RAD50: variants seen among roughly 807,000 people sequenced by gnomAD.
The protein encoded by RAD50 is RAD50 double strand break repair protein, also known as DNA repair protein RAD50.
A neutral mutation model predicts 168.8 loss-of-function variants in RAD50; 132 were observed. The ratio of observed to expected loss-of-function variants is 0.78; its 90% confidence interval spans 0.68 to 0.90. The LOEUF (loss-of-function observed/expected upper bound fraction) is 0.90, where lower values mean the gene tolerates loss of function less well. RAD50 is among the 40% of genes least tolerant of loss of function. The pLI is 0.00. For missense variants in RAD50, 1,347 were observed against 1,534.4 expected, an observed-to-expected ratio of 0.88 and a Z score of 2.04; for synonymous variants, 525 against 497.4, an observed-to-expected ratio of 1.06 and a Z score of -0.74.
In RAD50 at chr5:132,557,008, C is replaced by G. The variant is rs137917617; in HGVS notation, c.-317C>G. ...TCCGCAGGGCGGCCGAGGCAGGAAGCTGTGAGTGCGCGGTTGCGGGGTCGC... is the reference window on the plus strand; with the variant it reads ...TCCGCAGGGCGGCCGAGGCAGGAAGGTGTGAGTGCGCGGTTGCGGGGTCGC... On this transcript the variant is annotated 5_prime_UTR_variant, in exon 1 of 25. Transcript: ENST00000378823. 1.3e-5 allele frequency: 10 copies of G among 749,342 alleles called. No homozygotes were observed. The East Asian group carries it at 3.6e-4, about 27-fold the overall frequency. 46.4% of individuals were successfully genotyped at this position (749,342 alleles called of 1,614,324 possible). A position where few individuals can be genotyped will look rare whatever the true frequency, so the allele number is the denominator to read the frequency against.
In RAD50 at chr5:132,603,473, T is replaced by C; in HGVS notation, c.2381T>C (p.Ile794Thr). The change falls in exon 14 of 25, where the codon ATT becomes ACT. Residue 794 changes from isoleucine to threonine, a missense_variant. Around this residue, in one of 3 missense-constraint regions of RAD50, gnomAD observed 635 missense variants for 739.2 expected, o/e 0.86. Transcript: ENST00000378823. ...AAAGTATGCCTGACAGATGTTACAA[T>C]TATGGAGAGGTTCCAGGTAAGTTTA... ...SAKVCLTDVTIMERFQMELKD... is the reference protein window; with the variant it reads ...SAKVCLTDVTTMERFQMELKD... The C allele has an allele frequency of 6.2e-7, 1 of 1,613,824 alleles. No individual in the cohort carries two copies. Among genetic ancestry groups the C allele is most frequent in the Non-Finnish European group, 8.5e-7 (1 of 1,179,804 alleles).
At chr5:132,610,407 A>T (rs1159734604) in intron 19 of RAD50, among the ~76,000 whole-genome samples, 4 of 152,162 alleles carry the variant, frequency 2.6e-5, no homozygotes, top group Non-Finnish European at 4.4e-5. Flanking sequence ...TATTTTCTCT[A>T]TTAAAGAAAT....
At chr5:132,576,725 T>C (rs1750406351) in intron 3 of RAD50, among the ~76,000 whole-genome samples, 1 of 152,214 alleles carries the variant, frequency 6.6e-6, no homozygotes, top group Admixed American at 6.5e-5. Context: ...TTGTTGATAC[T>C]GTCTCCATTT....
chr5:132,619,828 C>CTACTCCTCTCTCTG (rs1561651594), intron 21 of RAD50, among the ~76,000 whole-genome samples: 27 of 124,258 alleles, frequency 2.2e-4, no homozygotes, highest in African/African-American at 9.5e-4. Context: ...CTCTCTCTCT[C>CTACTCCTCTCTCTG]TCTCTCTCTA....
Position 132,642,515 on chromosome 5 carries a change from A to G in RAD50, c.*151A>G, listed in dbSNP as rs1308084663. ...ATTTTGGATGTTGAGAGGTTCTAAA[A>G]TCATGAAACTTGTTTCACTGAAAAT... On this transcript the variant is annotated 3_prime_UTR_variant, in exon 25 of 25. Coordinates refer to ENST00000378823, the MANE Select transcript of RAD50 (RefSeq NM_005732.4). 2 of 755,692 alleles carry G rather than the reference A, an allele frequency of 2.6e-6. No homozygotes were observed. The highest frequency in any genetic ancestry group is 1.9e-5 in the South Asian group (1 of 53,086). 46.8% of individuals were successfully genotyped at this position (755,692 alleles called of 1,614,324 possible).
chr5:132,588,841 G>A lies in RAD50; in HGVS notation c.1206G>A (p.Glu402=), dbSNP rs2149841163. 3 of 1,613,966 alleles carry A rather than the reference G, an allele frequency of 1.9e-6. No individual in the cohort carries two copies. Among genetic ancestry groups the A allele is most frequent in the Non-Finnish European group, 2.5e-6 (3 of 1,179,922 alleles). Residue 402 remains glutamate, a synonymous_variant, in exon 8 of 25, where the codon GAG becomes GAA. Coordinates refer to ENST00000378823, the MANE Select transcript of RAD50 (RefSeq NM_005732.4). ...AAAATTTTCACAAACTTGTGAGAGA[G>A]AGACAAGAAGGGGAAGCAAAAACTG... is the stretch of plus-strand genomic sequence containing the variant. ...QIKNFHKLVR[E]RQEGEAKTAN... is the part of the protein sequence containing the mutation.
At chr5:132,574,449 G>A (rs993534223) in intron 2 of RAD50, among the ~76,000 whole-genome samples, 5 of 152,222 alleles carry the variant, frequency 3.3e-5, no homozygotes, top group Admixed American at 6.5e-5. Context: ...CCTGGCCCAC[G>A]AAACTATTTT....
intron 19 of RAD50, 106 bp downstream of exon 19, chr5:132,609,502 C>T: frequency 6.6e-7 from 1 of 1,518,436 alleles, no homozygotes. Context: ...AGGAAAGAGG[C>T]CAAGCGTGGT....
chr5:132,568,522 ACATAAC>A (rs1750248039), intron 2 of RAD50, among the ~76,000 whole-genome samples: 1 of 152,228 alleles, frequency 6.6e-6, no homozygotes, highest in Admixed American at 6.5e-5. Context: ...AGCAGCATAA[ACATAAC>A]TATGTTGTAC....
chr5:132,578,205 C>G (rs559983786), intron 3 of RAD50, among the ~76,000 whole-genome samples: 2 of 152,338 alleles, frequency 1.3e-5, no homozygotes, highest in African/African-American at 4.8e-5. Context: ...GACCTCCCCC[C>G]TTAAAAAACC....
chr5:132,609,092 A>C, intron 17 of RAD50, 25 bp from the exon 18 acceptor site: 2 of 1,608,752 alleles, frequency 1.2e-6, no homozygotes, highest in Non-Finnish European at 1.7e-6. Context: ...CAACCAGTGT[A>C]AATTTAATGA....
At chr5:132,558,206 T>C (rs191149532) in intron 1 of RAD50, among the ~76,000 whole-genome samples, 104 of 152,356 alleles carry the variant, frequency 6.8e-4, no homozygotes, top group Non-Finnish European at 8.8e-4. Flanking sequence ...TGTTTACTTT[T>C]GTTTTTGTAA....
intron 21 of RAD50, among the ~76,000 whole-genome samples, chr5:132,624,973 A>T (rs1424264715): frequency 2.0e-5 from 3 of 152,070 alleles, no homozygotes; most frequent in Non-Finnish European, 2.9e-5. Flanking sequence ...AAGACATTGG[A>T]CTTTGTATAA....
chr5:132,578,147 A>G (rs1750432186), intron 3 of RAD50, among the ~76,000 whole-genome samples: 1 of 152,174 alleles, frequency 6.6e-6, no homozygotes, highest in African/African-American at 2.4e-5. Flanking sequence ...TGTTTCAAAG[A>G]CAACTTAGGT....
At chr5:132,618,974 G>A (rs1374797303) in intron 21 of RAD50, among the ~76,000 whole-genome samples, 1 of 151,986 alleles carries the variant, frequency 6.6e-6, no homozygotes, top group Non-Finnish European at 1.5e-5. Context: ...TCATATATAT[G>A]TCATATTTTG....
chr5:132,595,253 A>G lies in RAD50; in HGVS notation c.1969+209A>G, dbSNP rs115560479. On this transcript the variant is annotated intron_variant, in intron 12 of 24. Transcript: ENST00000378823. ...TCATTGTCTATAAAATGAGGACACA[A>G]CTACCACCTGTGGTACTGAGGTGTG... 272 of 611,934 alleles carry G rather than the reference A, an allele frequency of 4.4e-4. 1 individual carries two copies. The highest frequency in any genetic ancestry group is 4.3e-3 in the African/African-American group (233 of 54,126). The allele number at this position is 611,934 out of a possible 1,614,324, so 37.9% of individuals were successfully genotyped here.
rs189891544 is a variant in RAD50, at chr5:132,558,584, G to A, written c.130-700G>A. On this transcript the variant is annotated intron_variant, in intron 1 of 24. Coordinates refer to ENST00000378823, the MANE Select transcript of RAD50 (RefSeq NM_005732.4). ...AAATTAGCCAGGCGTGGTGGCGCAT[G>A]CCTGTAATCCTAGCTACTGGGGAGG... Among the ~76,000 whole-genome samples the A allele has an allele frequency of 1.7e-3, 256 of 152,120 alleles. 1 individual carries two copies. The highest frequency in any genetic ancestry group is 3.0e-3 in the Non-Finnish European group (202 of 67,964).
At chr5:132,586,341 A>G (rs1266560197) in intron 5 of RAD50, among the ~76,000 whole-genome samples, 2 of 152,136 alleles carry the variant, frequency 1.3e-5, no homozygotes, top group African/African-American at 4.8e-5. Flanking sequence ...CTTAGTATAT[A>G]CTTTTGTGAG....
intron 13 of RAD50, among the ~76,000 whole-genome samples, chr5:132,601,030 G>T (rs999409924): frequency 6.6e-6 from 1 of 151,876 alleles, no homozygotes; most frequent in Non-Finnish European, 1.5e-5. Flanking sequence ...TTAAAAAAAA[G>T]AAAAACAAAC....
Sources: gnomAD v4.1 joint callset for allele counts (sites outside exome capture counted in the v4.1 genomes callset) on GRCh38, gnomAD v4.1.1 for gene constraint, gnomAD v4.1.1 regional missense constraint, MANE v1.5 for transcripts, NCBI Gene and HGNC (gene_info 2026-07-23, HGNC 2026-07-21) for gene names.